HSP90AB1: variants seen among roughly 807,000 people sequenced by gnomAD.
HSP90AB1 encodes heat shock protein HSP 90-beta.
In HSP90AB1, 17 loss-of-function variants were observed where a neutral mutation model predicts 67.8. The ratio of observed to expected loss-of-function variants is 0.25; its 90% CI spans 0.17 to 0.38. The LOEUF is 0.38. HSP90AB1 is among the 10% of genes least tolerant of loss of function. The pLI is 1.00. For missense variants in HSP90AB1, 690 were observed against 899.9 expected (o/e 0.77, Z 2.98); for synonymous variants, 390 against 312.9 (o/e 1.25, Z -2.60).
At position 44,247,510 on chromosome 6, in the gene HSP90AB1, C is replaced by T. The variant is rs35833238; in HGVS notation, c.-1+315C>T. Among the ~76,000 whole-genome samples, 943 of 152,260 alleles carry T rather than the reference C, an allele frequency of 6.2e-3. 4 individuals are homozygous for T. Among genetic ancestry groups the T allele is most frequent in the African/African-American group, 0.021 (863 of 41,542 alleles). ...CGGCCCGGGACGCTGCCATTTTTGC[C>T]CCTCCACTTCCGGACGCGGCTACGG... On this transcript the variant is annotated intron_variant, in intron 1 of 11. Transcript: ENST00000371646.
Position 44,251,896 on chromosome 6 carries a change from CTGAT to C in HSP90AB1, c.1462+16_1462+19del, listed in dbSNP as rs765449678. ...CTATTACATCACTGGTGCGTTGACT[CTGAT>C]TGAAGCCTTTTTGGAGGAGTGGGGA... On this transcript the variant is annotated intron_variant, in intron 9 of 11. Coordinates refer to ENST00000371646, the MANE Select transcript of HSP90AB1 (RefSeq NM_007355.4). 24 of 1,613,280 alleles carry C rather than the reference CTGAT, an allele frequency of 1.5e-5. No individual in the cohort carries two copies. The highest frequency in any genetic ancestry group is 1.8e-4 in the Middle Eastern group (1 of 5,512).
upstream of HSP90AB1, among the ~76,000 whole-genome samples, chr6:44,246,535 T>C (rs952129499): frequency 6.6e-6 from 1 of 151,748 alleles, no homozygotes; most frequent in Non-Finnish European, 1.5e-5. Context: ...GCCGGCGCCC[T>C]CCCCCTACGC....
At position 44,251,807 on chromosome 6, in the gene HSP90AB1, C is replaced by A. The variant is rs371761614; in HGVS notation, c.1385C>A (p.Ser462Tyr). The A allele has an allele frequency of 2.5e-6, 4 of 1,613,120 alleles. No individual in the cohort carries two copies. In the Admixed American group the frequency reaches 5.0e-5, roughly 20 times the overall value. Residue 462 changes from serine (S) to tyrosine (Y), a missense_variant, in exon 9 of 12, where the codon TCT becomes TAT. Physicochemically the swap from Ser to Tyr is moderately radical, Grantham distance 144. This residue lies in a region of HSP90AB1 where 206 missense variants were observed against 221.4 expected (regional missense o/e 0.93). Transcript: ENST00000371646. ...CTGCTGCGCTATCATACCTCCCAGT[C>A]TGGAGATGAGATGACATCTCTGTCA... ...SELLRYHTSQ[S>Y]GDEMTSLSEY... is the part of the protein sequence containing the mutation.
intron 1 of HSP90AB1, among the ~76,000 whole-genome samples, 169 bp downstream of exon 1, chr6:44,247,364 C>G (rs1280350272): frequency 6.6e-6 from 1 of 151,300 alleles, no homozygotes; most frequent in African/African-American, 2.4e-5. Context: ...TTTTTGAGTC[C>G]TCCTCGGTTT....
At position 44,247,129 on chromosome 6, in the gene HSP90AB1, G is replaced by T. The variant is rs572586128; in HGVS notation, c.-67G>T. ...TCGAGTCACTCCGGCGCAGTGTTGGGACTGTCTGGGTATCGGAAAGCAAGC... is the reference window on the plus strand; with the variant it reads ...TCGAGTCACTCCGGCGCAGTGTTGGTACTGTCTGGGTATCGGAAAGCAAGC... On this transcript the variant is annotated 5_prime_UTR_variant, in exon 1 of 12. Coordinates refer to ENST00000371646, the MANE Select transcript of HSP90AB1 (RefSeq NM_007355.4). 3.3e-5 allele frequency: 5 copies of T among 152,248 alleles called. No homozygotes were observed. The highest frequency in any genetic ancestry group is 1.9e-4 in the East Asian group (1 of 5,196). 9.4% of individuals were successfully genotyped at this position (152,248 alleles called of 1,614,324 possible).
Position 44,249,792 on chromosome 6 carries a change from G to C in HSP90AB1, c.472G>C (p.Glu158Gln), listed in dbSNP as rs528456416. Reference protein sequence around the residue: ...KHNDDEQYAWESSAGGSFTVR... With the variant: ...KHNDDEQYAWQSSAGGSFTVR... ...CAACGATGATGAACAGTATGCTTGG[G>C]AGTCTTCTGCTGGAGGTTCCTTCAC... Residue 158 changes from glutamate to glutamine, a missense_variant, in exon 4 of 12, where the codon GAG becomes CAG. Glu to Gln is a conservative substitution (Grantham distance 29). Coordinates refer to ENST00000371646, the MANE Select transcript of HSP90AB1 (RefSeq NM_007355.4). The C allele has an allele frequency of 6.2e-7, 1 of 1,613,346 alleles. No individual in the cohort carries two copies. Among genetic ancestry groups the C allele is most frequent in the Admixed American group, 1.7e-5 (1 of 59,902 alleles).
In HSP90AB1 at chr6:44,248,349, C is replaced by T. The variant is rs578207386; in HGVS notation, c.1-281C>T. Among the ~76,000 whole-genome samples, 9 of 152,356 alleles carry T rather than the reference C, an allele frequency of 5.9e-5. No individual in the cohort carries two copies. In the South Asian group the frequency reaches 1.7e-3, roughly 28 times the overall value. On this transcript the variant is annotated intron_variant, in intron 1 of 11. Coordinates refer to ENST00000371646, the MANE Select transcript of HSP90AB1 (RefSeq NM_007355.4). ...TTTTCTGCCATACTACCAGATGATG[C>T]TGAGGCTGCTGGTCACCATTCTTTA...
At position 44,250,336 on chromosome 6, in the gene HSP90AB1, G is replaced by A. The variant is rs751930789; in HGVS notation, c.694G>A (p.Glu232Lys). The change falls in exon 6 of 12, where the codon GAA becomes AAA. Residue 232 changes from glutamate to lysine, a missense_variant. Physicochemically the swap from Glu to Lys is moderately conservative, Grantham distance 56. Transcript: ENST00000371646. ...GGAAATTAGTGATGATGAGGCAGAG[G>A]AAGAGAAAGGTGAGAAAGAAGAGGA... ...EKEISDDEAE[E>K]EKGEKEEEDK... is the part of the protein sequence containing the mutation. The A allele has an allele frequency of 3.1e-6, 5 of 1,613,802 alleles. No individual in the cohort carries two copies. Among genetic ancestry groups the A allele is most frequent in the South Asian group, 1.1e-5 (1 of 91,072 alleles).
chr6:44,252,580 C>G (rs966325311), intron 10 of HSP90AB1, among the ~76,000 whole-genome samples: 4 of 152,084 alleles, frequency 2.6e-5, no homozygotes, highest in African/African-American at 7.2e-5. Context: ...ATTGCAAGCT[C>G]CGCCTCCTGG....
intron 5 of HSP90AB1, 29 bp from the exon 6 acceptor site, chr6:44,250,262 C>T (rs373399516): frequency 9.5e-5 from 153 of 1,611,352 alleles, no homozygotes; most frequent in Non-Finnish European, 1.1e-4. Flanking sequence ...TTTTGTACTC[C>T]AAGGCTAACT....
chr6:44,251,654 A>G (rs369866188), intron 8 of HSP90AB1, 46 bp downstream of exon 8: 21 of 1,587,690 alleles, frequency 1.3e-5, no homozygotes, highest in Admixed American at 1.8e-5. Context: ...TTTCTTAGTA[A>G]TAACAATAAA....
At chr6:44,249,933 C>A in intron 4 of HSP90AB1, 88 bp from the exon 5 acceptor site, 1 of 1,581,042 alleles carries the variant, frequency 6.3e-7, no homozygotes, top group South Asian at 1.1e-5. Flanking sequence ...AGCAGTTCTT[C>A]ACAGCAGTTC....
chr6:44,246,833 G>A (rs1779950859), upstream of HSP90AB1, among the ~76,000 whole-genome samples: 1 of 152,146 alleles, frequency 6.6e-6, no homozygotes. Flanking sequence ...CACCGTTTAT[G>A]CCAAATGAGC....
intron 10 of HSP90AB1, among the ~76,000 whole-genome samples, chr6:44,252,695 A>G (rs1034668193): frequency 5.3e-5 from 8 of 151,858 alleles, no homozygotes; most frequent in African/African-American, 1.9e-4. Context: ...ATGGGGTTTC[A>G]TCGCGTTAGC....
At chr6:44,249,256 T>C in intron 2 of HSP90AB1, 121 bp from the exon 3 acceptor site, 1 of 760,344 alleles carries the variant, frequency 1.3e-6, no homozygotes, top group South Asian at 1.6e-5. Context: ...GGAGGATGGC[T>C]CGAACCTGGG....
chr6:44,250,970 T>C (rs1032651961), intron 6 of HSP90AB1, 78 bp from the exon 7 acceptor site: 10 of 1,266,722 alleles, frequency 7.9e-6, no homozygotes, highest in Admixed American at 1.7e-5. Context: ...AGGATCATTG[T>C]TCCACTTTTA....
intron 4 of HSP90AB1, 85 bp from the exon 5 acceptor site, chr6:44,249,936 A>G (rs567312596): frequency 3.2e-6 from 5 of 1,585,300 alleles, no homozygotes; most frequent in Non-Finnish European, 4.3e-6. Flanking sequence ...AGTTCTTCAC[A>G]GCAGTTCTGC....
intron 7 of HSP90AB1, 22 bp from the exon 8 acceptor site, chr6:44,251,396 T>G: frequency 6.3e-7 from 1 of 1,595,052 alleles, no homozygotes; most frequent in African/African-American, 1.3e-5. Context: ...TTACTGAGCT[T>G]TCTCACCCTG....
rs150194710 is a variant in HSP90AB1 at position 44,248,695 on chromosome 6, C to A, written c.66C>A (p.Ala22=). 6.2e-7 allele frequency: 1 copy of A among 1,613,762 alleles called. No individual in the cohort carries two copies. The highest frequency in any genetic ancestry group is 1.3e-5 in the African/African-American group (1 of 74,918). The change falls in exon 2 of 12, where the codon GCC becomes GCA. Residue 22 remains alanine, a synonymous_variant. Transcript: ENST00000371646. ...VETFAFQAEI[A]QLMSLIINTF... ...CTTTTGCCTTTCAGGCAGAAATTGC[C>A]CAACTCATGTCCCTCATCATCAATA...
Sources: gnomAD v4.1 joint callset for allele counts (sites outside exome capture counted in the v4.1 genomes callset) on GRCh38, gnomAD v4.1.1 for gene constraint, gnomAD v4.1.1 regional missense constraint, MANE v1.5 for transcripts, NCBI Gene and HGNC (gene_info 2026-07-23, HGNC 2026-07-21) for gene names.